The following INF2 variants were observed in gnomAD, a reference collection of about 807,000 sequenced individuals.
INF2 encodes the protein inverted formin 2.
In INF2, 43 loss-of-function variants were observed where a neutral mutation model predicts 123.5. That is an observed-to-expected ratio of 0.35 (90% CI 0.27 to 0.45). The LOEUF (loss-of-function observed/expected upper bound fraction) is 0.45. INF2 is among the 20% of genes least tolerant of loss of function. INF2 has a pLI of 1.00. For missense variants in INF2, 1,453 were observed against 1,682.7 expected (o/e 0.86, Z 2.39); for synonymous variants, 851 against 745.0 (o/e 1.14, Z -2.32).
chr14:104,701,939 G>A (rs574200050), intron 2 of INF2, among the ~76,000 whole-genome samples, 183 bp downstream of exon 2: 12 of 152,254 alleles, frequency 7.9e-5, no homozygotes, highest in South Asian at 4.1e-4. Context: ...CATTCACTCC[G>A]AGTCTGAGGC....
intron 7 of INF2, 81 bp downstream of exon 7, chr14:104,707,132 CT>C: frequency 6.6e-7 from 1 of 1,513,152 alleles, no homozygotes; most frequent in Non-Finnish European, 8.8e-7. Context: ...GGAGCCTGCC[CT>C]TGGCCCCAAC....
chr14:104,712,220 C>A (rs546722982), intron 16 of INF2, among the ~76,000 whole-genome samples: 1 of 152,260 alleles, frequency 6.6e-6, no homozygotes, highest in Admixed American at 6.5e-5. Flanking sequence ...GCAAGCAGGA[C>A]AGGCTGACCG....
intron 22 of INF2, among the ~76,000 whole-genome samples, chr14:104,717,210 G>A (rs958976813): frequency 7.9e-5 from 12 of 152,156 alleles, no homozygotes; most frequent in Middle Eastern, 3.4e-3. Flanking sequence ...GAGCACAGCC[G>A]TCTTCCTCAG....
chr14:104,715,581 G>A, intron 22 of INF2: 1 of 611,016 alleles, frequency 1.6e-6, no homozygotes, highest in Non-Finnish European at 2.9e-6. Flanking sequence ...CTCAGTGCTG[G>A]CCCCGGGCAT....
intron 1 of INF2, chr14:104,683,941 G>A: frequency 2.4e-6 from 1 of 422,210 alleles, no homozygotes; most frequent in Non-Finnish European, 4.8e-6. Flanking sequence ...GGGTGCGGGT[G>A]GGTCTCAGGC....
rs1309305897 is a variant in INF2, at chr14:104,707,419, G to A, written c.1152G>A (p.Glu384=). The A allele has an allele frequency of 6.3e-7, 1 of 1,579,552 alleles. No individual in the cohort carries two copies. The highest frequency in any genetic ancestry group is 8.6e-7 in the Non-Finnish European group (1 of 1,164,160). Residue 384 remains glutamate, a synonymous_variant, in exon 8 of 23, where the codon GAG becomes GAA. Coordinates refer to ENST00000392634, the MANE Select transcript of INF2 (RefSeq NM_022489.4). ...CTACAACCCCCAAGCCCAGCGTGGA[G>A]GGCCAGCAGCCAGCAGCAGCTGCTG... is the stretch of plus-strand genomic sequence containing the variant. ...QNTTTPKPSV[E]GQQPAAAAAC... is the part of the protein sequence containing the mutation.
Position 104,702,986 on chromosome 14 carries a change from G to T in INF2, c.392-119G>T, listed in dbSNP as rs1464269224. 7.5e-6 allele frequency: 6 copies of T among 798,886 alleles called. No individual in the cohort carries two copies. In the Admixed American group the frequency reaches 1.2e-4, roughly 16 times the overall value. 49.5% of individuals were successfully genotyped at this position (798,886 alleles called of 1,614,324 possible). On this transcript the variant is annotated intron_variant, in intron 2 of 22. Coordinates refer to ENST00000392634, the MANE Select transcript of INF2 (RefSeq NM_022489.4). The stretch of plus-strand genomic sequence containing the variant: ...GCCCACTGCTGTGGGCCACAGACAA[G>T]TGCCCGGCACCCCCTGGCGTCTGCC...
intron 1 of INF2, among the ~76,000 whole-genome samples, chr14:104,695,973 C>T (rs1437563958): frequency 1.3e-5 from 2 of 152,190 alleles, no homozygotes; most frequent in African/African-American, 2.4e-5. Context: ...GATCATTTTG[C>T]TTGCTTTCTT....
chr14:104,703,234 C>T lies in INF2; in HGVS notation c.507+14C>T. The T allele has an allele frequency of 6.2e-7, 1 of 1,612,948 alleles. No homozygotes were observed. Among genetic ancestry groups the T allele is most frequent in the Non-Finnish European group, 8.5e-7 (1 of 1,179,728 alleles). ...GACCACTACAAGGTGGGCGGCAGGGCCTGGGCCTGGGCACATGGGGCTCCC... is the reference window on the plus strand; with the variant it reads ...GACCACTACAAGGTGGGCGGCAGGGTCTGGGCCTGGGCACATGGGGCTCCC... On this transcript the variant is annotated intron_variant, in intron 3 of 22. Coordinates refer to ENST00000392634, the MANE Select transcript of INF2 (RefSeq NM_022489.4).
rs1889366153 is a variant in INF2, at chr14:104,699,434, C to T, written c.-9-1923C>T. The T allele has an allele frequency of 2.0e-6, 2 of 985,344 alleles. No homozygotes were observed. The highest frequency in any genetic ancestry group is 2.4e-6 in the Non-Finnish European group (2 of 829,910). 61.0% of individuals were successfully genotyped at this position (985,344 alleles called of 1,614,324 possible). ...CATGGTGGTGGGAGCAACCCTACTG[C>T]CACCAGGAGGGGCGTTGGGGACCTG... On this transcript the variant is annotated intron_variant, in intron 1 of 22. Transcript: ENST00000392634. The surrounding 1 kb of genome is among the most constrained non-coding windows in gnomAD (Gnocchi z 4.7).
At chr14:104,704,699 G>A (rs1313572916) in intron 5 of INF2, 1 of 152,648 alleles carries the variant, frequency 6.6e-6, no homozygotes, top group Non-Finnish European at 1.5e-5. Context: ...GTGCCAAAAA[G>A]GCTGGGGACC....
chr14:104,687,716 C>T (rs569588804), upstream of INF2, among the ~76,000 whole-genome samples: 2 of 152,266 alleles, frequency 1.3e-5, no homozygotes, highest in African/African-American at 2.4e-5. This position sits in a 1 kb window ranked among gnomAD's most constrained non-coding sequence, Gnocchi z 5.6. Context: ...GCTGGGCCTC[C>T]CTCCCCCATC....
rs762527373 is a variant in INF2 at position 104,706,924 on chromosome 14, G to A, written c.858G>A (p.Pro286=). 25 of 1,604,090 alleles carry A rather than the reference G, an allele frequency of 1.6e-5. No homozygotes were observed. Among genetic ancestry groups the A allele is most frequent in the African/African-American group, 8.0e-5 (6 of 74,846 alleles). ...ASLFHKVSCS[P]VSAQLLSVLQ... ...CGCCCGTCCAGGTGAGCTGCTCCCC[G>A]GTGTCTGCCCAGCTCCTGTCGGTGC... The change falls in exon 7 of 23, where the codon CCG becomes CCA. Residue 286 remains proline (P), a synonymous_variant. Coordinates refer to ENST00000392634, the MANE Select transcript of INF2 (RefSeq NM_022489.4).
intron 4 of INF2, among the ~76,000 whole-genome samples, chr14:104,703,702 G>T (rs1192952923): frequency 6.6e-6 from 1 of 152,218 alleles, no homozygotes; most frequent in African/African-American, 2.4e-5. Flanking sequence ...CCGGACAGGG[G>T]GCCTGAGACC....
At position 104,703,292 on chromosome 14, in the gene INF2, C is replaced by T. The variant is rs531459497; in HGVS notation, c.508-3C>T. 2.5e-6 allele frequency: 4 copies of T among 1,613,066 alleles called. No homozygotes were observed. Among genetic ancestry groups the T allele is most frequent in the East Asian group, 2.2e-5 (1 of 44,870 alleles). ...GTGTGCCCTGACCCCGCCCTCCCCA[C>T]AGACGGTGTGCAGCCAGCAGTACCG... On this transcript the variant is annotated splice_region_variant and splice_polypyrimidine_tract_variant and intron_variant, in intron 3 of 22. Coordinates refer to ENST00000392634, the MANE Select transcript of INF2 (RefSeq NM_022489.4).
chr14:104,707,122 G>T, intron 7 of INF2, 71 bp downstream of exon 7: 1 of 1,517,076 alleles, frequency 6.6e-7, no homozygotes, highest in Non-Finnish European at 8.8e-7. Context: ...CATGGGGGGG[G>T]GAGCCTGCCC....
chr14:104,710,178 T>C lies in INF2; in HGVS notation c.2229T>C (p.Ala743=). Residue 743 remains alanine (A), a synonymous_variant, in exon 13 of 23, where the codon GCT becomes GCC. Transcript: ENST00000392634. ...MVRPKAQLVL[A]ACESLLTSRQ... Reference sequence around the variant, plus strand: ...GGCCCAAGGCCCAGCTGGTGCTGGCTGCCTGCGAAAGTGAGTGGGGCCAAG... The same window carrying C: ...GGCCCAAGGCCCAGCTGGTGCTGGCCGCCTGCGAAAGTGAGTGGGGCCAAG... 6.5e-7 allele frequency: 1 copy of C among 1,548,410 alleles called. No individual in the cohort carries two copies. Among genetic ancestry groups the C allele is most frequent in the Non-Finnish European group, 8.7e-7 (1 of 1,146,970 alleles).
chr14:104,684,759 T>C (rs1460257592), upstream of INF2: 6 of 152,324 alleles, frequency 3.9e-5, no homozygotes, highest in African/African-American at 9.6e-5. The surrounding 1 kb of genome is among the most constrained non-coding windows in gnomAD (Gnocchi z 5.0). Context: ...CTGTGTTCCA[T>C]GATATGGCTG....
Position 104,712,861 on chromosome 14 carries a change from C to T in INF2, c.2644C>T (p.Leu882=). 1.2e-6 allele frequency: 2 copies of T among 1,612,496 alleles called. No homozygotes were observed. Among genetic ancestry groups the T allele is most frequent in the South Asian group, 2.2e-5 (2 of 91,082 alleles). Residue 882 remains leucine (L), a synonymous_variant, in exon 18 of 23, where the codon CTG becomes TTG. Transcript: ENST00000392634. ...SISAFRALDE[L]FEAIEQKQRE... is the part of the protein sequence containing the mutation. ...CTCGGCCTTCCGGGCACTGGATGAG[C>T]TGTTTGAGGCCATCGAGCAGAAGCA...
Sources: gnomAD v4.1 joint callset for allele counts (sites outside exome capture counted in the v4.1 genomes callset) on GRCh38, gnomAD v4.1.1 for gene constraint, Gnocchi (gnomAD v3.1) non-coding constraint, MANE v1.5 for transcripts, NCBI Gene and HGNC (gene_info 2026-07-23, HGNC 2026-07-21) for gene names.